Variants in NLRC3 observed in about 807,000 individuals in gnomAD.
NLRC3 encodes the protein NLR family CARD domain containing 3, also known as NLR family CARD domain-containing protein 3.
A neutral mutation model predicts 91.6 loss-of-function variants in NLRC3; 87 were observed. The observed-to-expected ratio is 0.95, with a 90% CI of 0.80 to 1.14. The LOEUF is 1.14. NLRC3 is among the 50% of genes most tolerant of loss of function. The pLI is 0.00. For synonymous variants in NLRC3, 694 were observed against 625.3 expected, an observed-to-expected ratio of 1.11 and a Z score of -1.64; for missense variants, 1,577 against 1,418.6, an observed-to-expected ratio of 1.11 and a Z score of -1.79.
At chr16:3,555,968 A>AAATAAATG (rs1173760431) in intron 8 of NLRC3, 8 of 149,178 alleles carry the variant, frequency 5.4e-5, no homozygotes, top group South Asian at 2.1e-4. Context: ...ATAAATAAAT[A>AAATAAATG]AATGAAAACA....
intron 6 of NLRC3, among the ~76,000 whole-genome samples, chr16:3,558,582 C>CA (rs936147934): frequency 6.8e-6 from 1 of 147,618 alleles, no homozygotes; most frequent in African/African-American, 2.5e-5. Flanking sequence ...TAAAAAAAAA[C>CA]CACACACACA....
rs181454624 is a variant in NLRC3 at position 3,556,189 on chromosome 16, G to A, written c.2183+722C>T. ...ACTAAAAATACAAAAAAATTAGCCAGGCGTGGTGGCAGGAGCCTGTAATCC... is the reference window on the plus strand; with the variant it reads ...ACTAAAAATACAAAAAAATTAGCCAAGCGTGGTGGCAGGAGCCTGTAATCC... On this transcript the variant is annotated intron_variant, in intron 8 of 19. Transcript: ENST00000359128. 5.1e-3 allele frequency among the ~76,000 whole-genome samples: 769 copies of A among 150,406 alleles called. 5 individuals are homozygous for A. Among genetic ancestry groups the A allele is most frequent in the African/African-American group, 0.017 (715 of 41,196 alleles).
In NLRC3 at chr16:3,563,642, C is replaced by G; in HGVS notation, c.1295G>C (p.Gly432Ala). 6.2e-7 allele frequency: 1 copy of G among 1,610,982 alleles called. No homozygotes were observed. The highest frequency in any genetic ancestry group is 8.5e-7 in the Non-Finnish European group (1 of 1,178,870). ...AFGVDLALLQGAPCSCFLQRE... is the reference protein window; with the variant it reads ...AFGVDLALLQAAPCSCFLQRE... Reference sequence around the variant, plus strand: ...CTGCAGGAAGCAGCTGCACGGGGCGCCCTGCAGCAGAGCGAGGTCTACACC... The same window carrying G: ...CTGCAGGAAGCAGCTGCACGGGGCGGCCTGCAGCAGAGCGAGGTCTACACC... Residue 432 changes from glycine (G) to alanine (A), a missense_variant, in exon 5 of 20, where the codon GGC becomes GCC. Physicochemically the swap from Gly to Ala is moderately conservative, Grantham distance 60. Transcript: ENST00000359128.
At position 3,548,275 on chromosome 16, in the gene NLRC3, C is replaced by G. The variant is rs2038805328; in HGVS notation, c.2688-57G>C. On this transcript the variant is annotated intron_variant, in intron 14 of 19. Coordinates refer to ENST00000359128, the MANE Select transcript of NLRC3 (RefSeq NM_178844.4). Reference sequence around the variant, plus strand: ...ACTATGTGACTATGTGGCCCTGGGGCAGAGCCAAGGAGGCTCTGATGGCAG... The same window carrying G: ...ACTATGTGACTATGTGGCCCTGGGGGAGAGCCAAGGAGGCTCTGATGGCAG... The G allele has an allele frequency of 3.6e-6, 5 of 1,400,376 alleles. No homozygotes were observed. The South Asian group carries it at 6.2e-5, about 17-fold the overall frequency. The allele number at this position is 1,400,376 out of a possible 1,614,324, so 86.7% of individuals were successfully genotyped here.
Position 3,554,261 on chromosome 16 carries a change from G to C in NLRC3, c.2248C>G (p.Arg750Gly), listed in dbSNP as rs200517651. 1 of 1,613,098 alleles carries C rather than the reference G, an allele frequency of 6.2e-7. No homozygotes were observed. Among genetic ancestry groups the C allele is most frequent in the Non-Finnish European group, 8.5e-7 (1 of 1,179,100 alleles). ...RSMAEALASN[R>G]TLSMLHLQKN... ...ACTCACTGCAGCATGGAGAGGGTCC[G>C]GTTGGAGGCCAAGGCCTCAGCCATG... is the stretch of plus-strand genomic sequence containing the variant. The change falls in exon 9 of 20, where the codon CGG becomes GGG. Residue 750 changes from arginine to glycine, a missense_variant. Coordinates refer to ENST00000359128, the MANE Select transcript of NLRC3 (RefSeq NM_178844.4).
At chr16:3,576,019 G>T (rs1431327458) in intron 1 of NLRC3, among the ~76,000 whole-genome samples, 1 of 152,192 alleles carries the variant, frequency 6.6e-6, no homozygotes, top group African/African-American at 2.4e-5. Context: ...GCACCTCAGG[G>T]CCCTACCCTG....
intron 17 of NLRC3, 192 bp downstream of exon 17, chr16:3,543,233 A>C: frequency 1.7e-6 from 1 of 582,692 alleles, no homozygotes; most frequent in Non-Finnish European, 3.1e-6. Context: ...GCCAACCCGG[A>C]GAGGAGGGCA....
At chr16:3,552,756 A>G (rs2039082074) in intron 9 of NLRC3, among the ~76,000 whole-genome samples, 1 of 152,138 alleles carries the variant, frequency 6.6e-6, no homozygotes, top group African/African-American at 2.4e-5. Context: ...CCTGGCCAAC[A>G]TGGTGAAACT....
At chr16:3,560,728 C>T (rs551514397) in intron 6 of NLRC3, among the ~76,000 whole-genome samples, 4 of 152,062 alleles carry the variant, frequency 2.6e-5, no homozygotes, top group African/African-American at 7.2e-5. Flanking sequence ...GGTGCGATCT[C>T]GGCTCACTGC....
At chr16:3,572,263 A>G (rs1042019697) in intron 1 of NLRC3, among the ~76,000 whole-genome samples, 1 of 152,142 alleles carries the variant, frequency 6.6e-6, no homozygotes, top group African/African-American at 2.4e-5. Context: ...ATATTATAAC[A>G]TAACAGACTG....
At position 3,577,387 on chromosome 16, in the gene NLRC3, G is replaced by T. The variant is rs2040347800; in HGVS notation, c.-407C>A. On this transcript the variant is annotated 5_prime_UTR_variant, in exon 1 of 20. Transcript: ENST00000359128. The stretch of plus-strand genomic sequence containing the variant: ...TTCTGCAGCCCCACCGAGCCCACCG[G>T]CTGTCCCTGTGGCTCCGGGTCCTCA... 3.5e-6 allele frequency: 2 copies of T among 571,402 alleles called. No individual in the cohort carries two copies. Among genetic ancestry groups the T allele is most frequent in the Non-Finnish European group, 6.2e-6 (2 of 322,074 alleles). 35.4% of individuals were successfully genotyped at this position (571,402 alleles called of 1,614,324 possible). A position where few individuals can be genotyped will look rare whatever the true frequency, so the allele number is the denominator to read the frequency against.
intron 1 of NLRC3, among the ~76,000 whole-genome samples, chr16:3,571,280 T>C (rs1249677324): frequency 6.6e-6 from 1 of 151,122 alleles, no homozygotes; most frequent in Non-Finnish European, 1.5e-5. Context: ...AATAAGAAAA[T>C]ATGAGATAAT....
At position 3,554,284 on chromosome 16, in the gene NLRC3, A is replaced by G; in HGVS notation, c.2225T>C (p.Met742Thr). Residue 742 changes from methionine (M) to threonine (T), a missense_variant, in exon 9 of 20, where the codon ATG (methionine) becomes ACG (threonine). Physicochemically the swap from Met to Thr is moderately conservative, Grantham distance 81. Transcript: ENST00000359128. ...NTVRDDGARS[M>T]AEALASNRTL... ...CCGGTTGGAGGCCAAGGCCTCAGCC[A>G]TGGACCTGGCACCATCATCCCTAAC... 6.2e-7 allele frequency: 1 copy of G among 1,613,912 alleles called. No individual in the cohort carries two copies. Among genetic ancestry groups the G allele is most frequent in the African/African-American group, 1.3e-5 (1 of 75,066 alleles).
rs376649587 is a variant in NLRC3 at position 3,563,146 on chromosome 16, A to T, written c.1791T>A (p.Gly597=). Residue 597 remains glycine, a synonymous_variant, in exon 5 of 20, where the codon GGT becomes GGA. Coordinates refer to ENST00000359128, the MANE Select transcript of NLRC3 (RefSeq NM_178844.4). ...AGGCCAGGGCAGCGCGGTGCGCGGG[A>T]CCAGTCAGCCTGGCCAGGGCCCCGC... ...MESGALARLT[G]PAHRAALAYL... The T allele has an allele frequency of 3.1e-6, 5 of 1,589,032 alleles. No homozygotes were observed. Among genetic ancestry groups the T allele is most frequent in the Non-Finnish European group, 3.4e-6 (4 of 1,169,518 alleles).
At chr16:3,556,276 A>G (rs2039315048) in intron 8 of NLRC3, among the ~76,000 whole-genome samples, 1 of 132,212 alleles carries the variant, frequency 7.6e-6, no homozygotes, top group African/African-American at 3.0e-5. Flanking sequence ...GGTTGCAGTG[A>G]GACAAGATCT....
At chr16:3,558,607 C>T (rs910612022) in intron 6 of NLRC3, among the ~76,000 whole-genome samples, 10 of 149,236 alleles carry the variant, frequency 6.7e-5, no homozygotes, top group Middle Eastern at 6.9e-3. Flanking sequence ...CACACACACA[C>T]ATCTTGATTT....
chr16:3,546,672 G>T (rs2038708246), intron 15 of NLRC3, among the ~76,000 whole-genome samples: 1 of 152,206 alleles, frequency 6.6e-6, no homozygotes, highest in Non-Finnish European at 1.5e-5. Flanking sequence ...AGGTTTTCAG[G>T]AGAGAGAATG....
chr16:3,565,054 C>A lies in NLRC3; in HGVS notation c.-18G>T, dbSNP rs765637748. The A allele has an allele frequency of 1.2e-6, 2 of 1,605,418 alleles. No homozygotes were observed. Among genetic ancestry groups the A allele is most frequent in the Admixed American group, 3.3e-5 (2 of 59,918 alleles). On this transcript the variant is annotated 5_prime_UTR_variant, in exon 4 of 20. Transcript: ENST00000359128. ...TTCCTCATGGAGTCGGGGATCACCT[C>A]CAGGAGCTGTGAAGAGAGGGCCTGA...
At chr16:3,570,454 G>A (rs1016845390) in intron 1 of NLRC3, among the ~76,000 whole-genome samples, 12 of 152,146 alleles carry the variant, frequency 7.9e-5, no homozygotes, top group Admixed American at 1.3e-4. Flanking sequence ...CTTGACCTGC[G>A]GTTTGACGGG....
Sources: allele counts gnomAD v4.1 joint callset (sites outside exome capture counted in the v4.1 genomes callset), GRCh38; gene constraint gnomAD v4.1.1; transcripts MANE v1.5; gene names NCBI Gene and HGNC (gene_info 2026-07-23, HGNC 2026-07-21).